The following ZMIZ1 variants were observed in gnomAD, a reference collection of about 807,000 sequenced individuals.
ZMIZ1 encodes zinc finger MIZ domain-containing protein 1.
Under a neutral mutation model 113.9 loss-of-function variants are expected in ZMIZ1, and 17 were observed. The ratio of observed to expected loss-of-function variants is 0.15; its 90% CI spans 0.10 to 0.22. ZMIZ1 has a LOEUF of 0.22. ZMIZ1 is among the 10% of genes least tolerant of loss of function. The pLI, the probability that ZMIZ1 is intolerant of heterozygous loss-of-function variation, is 1.00. For missense variants in ZMIZ1, 1,059 were observed against 1,477.8 expected (o/e 0.72, Z 4.65); for synonymous variants, 607 against 603.1 (o/e 1.01, Z -0.09).
chr10:79,222,374 C>T (rs1849013118), intron 7 of ZMIZ1, among the ~76,000 whole-genome samples: 1 of 152,196 alleles, frequency 6.6e-6, no homozygotes, highest in East Asian at 1.9e-4. Flanking sequence ...TCTATTGTCT[C>T]ACACCCATGG....
At chr10:79,241,234 G>A (rs1237148442) in intron 7 of ZMIZ1, among the ~76,000 whole-genome samples, 2 of 152,196 alleles carry the variant, frequency 1.3e-5, no homozygotes, top group Admixed American at 1.3e-4. Context: ...CACCACATCT[G>A]TTTTCTGGGT....
chr10:79,294,945 G>GT (rs988022494), intron 12 of ZMIZ1: 5 of 146,304 alleles, frequency 3.4e-5, no homozygotes, highest in Admixed American at 6.8e-5. Context: ...GAGAGAGAGG[G>GT]GGGGGGGTCA....
intron 2 of ZMIZ1, among the ~76,000 whole-genome samples, chr10:79,124,126 G>A (rs1844416549): frequency 6.6e-6 from 1 of 152,246 alleles, no homozygotes; most frequent in Non-Finnish European, 1.5e-5. Context: ...TGGGACTGCT[G>A]TCCTGGTGGG....
At chr10:79,258,700 C>T (rs528116494) in intron 7 of ZMIZ1, among the ~76,000 whole-genome samples, 1 of 152,354 alleles carries the variant, frequency 6.6e-6, no homozygotes, top group Admixed American at 6.5e-5. Context: ...ACATTCTAGG[C>T]TCTCCAAGCC....
At chr10:79,199,758 T>C (rs1415231101) in intron 4 of ZMIZ1, among the ~76,000 whole-genome samples, 3 of 152,230 alleles carry the variant, frequency 2.0e-5, no homozygotes, top group Non-Finnish European at 4.4e-5. Flanking sequence ...CAGGACTCGA[T>C]ATCTTTGTGG....
At chr10:79,081,346 A>G (rs1842652514) in intron 1 of ZMIZ1, among the ~76,000 whole-genome samples, 1 of 152,082 alleles carries the variant, frequency 6.6e-6, no homozygotes, top group African/African-American at 2.4e-5. Flanking sequence ...GCCTCTGGTA[A>G]GAGTCTGGGC....
At chr10:79,251,925 A>C (rs1564552683) in intron 7 of ZMIZ1, among the ~76,000 whole-genome samples, 1 of 152,138 alleles carries the variant, frequency 6.6e-6, no homozygotes, top group Non-Finnish European at 1.5e-5. Flanking sequence ...GGCAGCCTTG[A>C]CCGTTGGGTC....
At chr10:79,209,675 G>A (rs1848462043) in intron 6 of ZMIZ1, among the ~76,000 whole-genome samples, 1 of 152,242 alleles carries the variant, frequency 6.6e-6, no homozygotes, top group Non-Finnish European at 1.5e-5. Context: ...CGGCTATCGT[G>A]ACAAAGCATC....
chr10:79,255,340 C>G (rs1175452524), intron 7 of ZMIZ1, among the ~76,000 whole-genome samples: 1 of 152,234 alleles, frequency 6.6e-6, no homozygotes, highest in Non-Finnish European at 1.5e-5. Flanking sequence ...CAGTGCCTGG[C>G]CTGCCACCTG....
rs112771427 is a variant in ZMIZ1 at position 79,260,993 on chromosome 10, C to G, written c.281-16188C>G. Among the ~76,000 whole-genome samples, 1,091 of 152,194 alleles carry G rather than the reference C, an allele frequency of 7.2e-3. 14 individuals carry two copies. Among genetic ancestry groups the G allele is most frequent in the African/African-American group, 0.025 (1,029 of 41,508 alleles). On this transcript the variant is annotated intron_variant, in intron 7 of 24. Coordinates refer to ENST00000334512, the MANE Select transcript of ZMIZ1 (RefSeq NM_020338.4). ...CTGCCTAGCCTGCAGCTGACCTTCC[C>G]GAGGACACGTCCCTGCATGACCTGG...
chr10:79,167,003 A>AC (rs777616367), intron 4 of ZMIZ1, among the ~76,000 whole-genome samples: 1 of 152,146 alleles, frequency 6.6e-6, no homozygotes, highest in Non-Finnish European at 1.5e-5. Flanking sequence ...CTGCGGCTCC[A>AC]CCGTGCTGCC....
intron 7 of ZMIZ1, among the ~76,000 whole-genome samples, chr10:79,273,412 A>G (rs1046194787): frequency 2.0e-5 from 3 of 151,714 alleles, no homozygotes; most frequent in Non-Finnish European, 2.9e-5. Flanking sequence ...CCCAGGCTGG[A>G]GGGCAGTGAC....
chr10:79,285,934 T>C (rs930627585), intron 8 of ZMIZ1, among the ~76,000 whole-genome samples: 6 of 152,142 alleles, frequency 3.9e-5, no homozygotes, highest in African/African-American at 1.4e-4. Context: ...GGCCCCTGTA[T>C]TAGGGAGCAG....
intron 7 of ZMIZ1, among the ~76,000 whole-genome samples, chr10:79,226,244 G>A (rs1280116895): frequency 1.3e-5 from 2 of 152,142 alleles, no homozygotes; most frequent in South Asian, 2.1e-4. Flanking sequence ...AGGTGGTCTC[G>A]GCAAGGGCAG....
intron 8 of ZMIZ1, among the ~76,000 whole-genome samples, chr10:79,287,133 C>T (rs1214009805): frequency 1.3e-5 from 2 of 152,218 alleles, no homozygotes; most frequent in African/African-American, 4.8e-5. Context: ...TAGAGCCTCC[C>T]TGTGAGACTC....
chr10:79,154,023 C>G (rs1845805452), intron 3 of ZMIZ1, among the ~76,000 whole-genome samples: 1 of 152,200 alleles, frequency 6.6e-6, no homozygotes. Context: ...ACCGACAGTG[C>G]CTGTGCCCTT....
At chr10:79,091,419 A>C (rs1259491791) in intron 1 of ZMIZ1, among the ~76,000 whole-genome samples, 1 of 152,222 alleles carries the variant, frequency 6.6e-6, no homozygotes, top group African/African-American at 2.4e-5. Flanking sequence ...ATGGCCAAAC[A>C]AGAGTCCTCA....
chr10:79,298,319 T>C (rs1854044886), intron 14 of ZMIZ1, 87 bp from the exon 15 acceptor site: 18 of 1,436,160 alleles, frequency 1.3e-5, no homozygotes, highest in Non-Finnish European at 1.4e-5. Flanking sequence ...TCCAGGCCCC[T>C]GGGATGAGTG....
At chr10:79,089,594 A>G (rs1370301021) in intron 1 of ZMIZ1, among the ~76,000 whole-genome samples, 2 of 152,180 alleles carry the variant, frequency 1.3e-5, no homozygotes, top group African/African-American at 2.4e-5. Flanking sequence ...TTCTGGGTGC[A>G]GGGAGCACTT....
Sources: allele counts gnomAD v4.1 joint callset (sites outside exome capture counted in the v4.1 genomes callset), GRCh38; gene constraint gnomAD v4.1.1; transcripts MANE v1.5; gene names NCBI Gene and HGNC (gene_info 2026-07-23, HGNC 2026-07-21).